The following OTUD7A variants were observed in gnomAD, a reference collection of about 807,000 sequenced individuals.
OTUD7A encodes OTU domain-containing protein 7A.
Under a neutral mutation model 65.7 loss-of-function variants are expected in OTUD7A, and 12 were observed. The observed-to-expected ratio is 0.18, with a 90% CI of 0.12 to 0.30. OTUD7A has a LOEUF of 0.30. OTUD7A is among the 10% of genes least tolerant of loss of function. The pLI, the probability that OTUD7A is intolerant of heterozygous loss-of-function variation, is 1.00. For synonymous variants in OTUD7A, 641 were observed against 586.3 expected (o/e 1.09, Z -1.35); for missense variants, 1,148 against 1,304.8 (o/e 0.88, Z 1.85).
chr15:31,587,356 G>C (rs1022932933), intron 3 of OTUD7A, among the ~76,000 whole-genome samples: 37 of 152,148 alleles, frequency 2.4e-4, no homozygotes, highest in African/African-American at 8.7e-4. Context: ...TGTAAATCTT[G>C]GCCGGGCGCG....
intron 1 of OTUD7A, among the ~76,000 whole-genome samples, chr15:31,822,160 G>A (rs889875946): frequency 3.9e-5 from 6 of 152,106 alleles, no homozygotes; most frequent in Admixed American, 6.5e-5. Context: ...TTTTGGTATC[G>A]TACAGTGGTA....
At chr15:31,662,202 T>C (rs1290294860) in intron 1 of OTUD7A, among the ~76,000 whole-genome samples, 2 of 152,226 alleles carry the variant, frequency 1.3e-5, no homozygotes, top group African/African-American at 4.8e-5. Context: ...ATAATTCTTT[T>C]ATTCATTCTT....
chr15:31,584,120 AGAG>A (rs1889456359), intron 3 of OTUD7A, among the ~76,000 whole-genome samples: 1 of 152,168 alleles, frequency 6.6e-6, no homozygotes, highest in African/African-American at 2.4e-5. Flanking sequence ...ACTTATCTAG[AGAG>A]CAACAGGAAC....
At chr15:31,726,596 A>C (rs1476918610) in intron 1 of OTUD7A, among the ~76,000 whole-genome samples, 2 of 152,240 alleles carry the variant, frequency 1.3e-5, no homozygotes, top group Non-Finnish European at 2.9e-5. Context: ...TTGCAAAGCA[A>C]GAATCAGAAC....
intron 3 of OTUD7A, among the ~76,000 whole-genome samples, chr15:31,596,909 T>C (rs1403716208): frequency 1.3e-5 from 2 of 152,162 alleles, no homozygotes; most frequent in African/African-American, 4.8e-5. Context: ...ATTTCCCAGT[T>C]TGTGGCTTAC....
At chr15:31,553,936 AG>A (rs1405513387) in intron 5 of OTUD7A, among the ~76,000 whole-genome samples, 1 of 152,134 alleles carries the variant, frequency 6.6e-6, no homozygotes, top group Non-Finnish European at 1.5e-5. Flanking sequence ...AAAACCCTCC[AG>A]GGGCTGCTTA....
chr15:31,686,616 C>T (rs558152269), intron 1 of OTUD7A, among the ~76,000 whole-genome samples: 1 of 152,324 alleles, frequency 6.6e-6, no homozygotes, highest in East Asian at 1.9e-4. Context: ...GGCATGTAAA[C>T]AGCTGGTAAG....
intron 5 of OTUD7A, among the ~76,000 whole-genome samples, chr15:31,538,795 TAAAAG>T (rs1037924527): frequency 3.3e-5 from 5 of 152,100 alleles, no homozygotes; most frequent in African/African-American, 7.2e-5. Context: ...CCTTTCAACA[TAAAAG>T]AAAAGAAAAA....
Position 31,484,028 on chromosome 15 carries a change from C to CGGCCGCAGT in OTUD7A, c.2067_2068insACTGCGGCC (p.Ala689_Ala690insThrAlaAla). 1 of 1,239,854 alleles carries CGGCCGCAGT rather than the reference C, an allele frequency of 8.1e-7. No individual in the cohort carries two copies. Among genetic ancestry groups the CGGCCGCAGT allele is most frequent in the Non-Finnish European group, 1.0e-6 (1 of 995,484 alleles). The allele number at this position is 1,239,854 out of a possible 1,614,324, so 76.8% of individuals were successfully genotyped here. ...GCCGTGGCGGCGGCGGCGGCGGCGG[C>CGGCCGCAGT]AGCGGCGGCCGCAGTAGCGGCGTCG... is the stretch of plus-strand genomic sequence containing the variant. On this transcript the variant is annotated inframe_insertion, in exon 13 of 13. Transcript: ENST00000307050. The surrounding 1 kb of genome is among the most constrained non-coding windows in gnomAD (Gnocchi z 4.5).
At chr15:31,496,970 C>T (rs1028283055) in intron 10 of OTUD7A, among the ~76,000 whole-genome samples, 2 of 152,114 alleles carry the variant, frequency 1.3e-5, no homozygotes, top group Admixed American at 1.3e-4. Flanking sequence ...AAGGGATGGC[C>T]AACCTTGGTG....
chr15:31,686,114 C>T (rs1403068345), intron 1 of OTUD7A, among the ~76,000 whole-genome samples: 4 of 152,226 alleles, frequency 2.6e-5, no homozygotes, highest in Non-Finnish European at 5.9e-5. Flanking sequence ...CTGTTGAACC[C>T]ACACTGGGGA....
intron 1 of OTUD7A, among the ~76,000 whole-genome samples, chr15:31,692,931 G>C (rs1226203830): frequency 1.3e-5 from 2 of 150,790 alleles, no homozygotes; most frequent in Non-Finnish European, 2.9e-5. Context: ...CACTTGCACT[G>C]GGACAGACAC....
chr15:31,711,416 T>A (rs1360525530), intron 1 of OTUD7A, among the ~76,000 whole-genome samples: 1 of 151,650 alleles, frequency 6.6e-6, no homozygotes. Flanking sequence ...ACATAAAACA[T>A]GTTTTCCTTC....
At chr15:31,574,424 T>A (rs1889145003) in intron 3 of OTUD7A, among the ~76,000 whole-genome samples, 1 of 152,180 alleles carries the variant, frequency 6.6e-6, no homozygotes, top group Non-Finnish European at 1.5e-5. Flanking sequence ...AGATGAATCA[T>A]TTGCTGTATA....
At chr15:31,643,996 A>C (rs1891592599) in intron 3 of OTUD7A, among the ~76,000 whole-genome samples, 1 of 152,168 alleles carries the variant, frequency 6.6e-6, no homozygotes, top group Admixed American at 6.5e-5. Flanking sequence ...ACAGACAGAA[A>C]GGGGTACCTG....
chr15:31,580,789 C>A (rs1232688142), intron 3 of OTUD7A, among the ~76,000 whole-genome samples: 1 of 152,264 alleles, frequency 6.6e-6, no homozygotes, highest in Admixed American at 6.5e-5. Context: ...CTCTACCTGA[C>A]CCTGCCCTTG....
At chr15:31,604,499 C>CG (rs1156752309) in intron 3 of OTUD7A, among the ~76,000 whole-genome samples, 1 of 152,056 alleles carries the variant, frequency 6.6e-6, no homozygotes, top group African/African-American at 2.4e-5. Flanking sequence ...ATGTAGATGA[C>CG]GGGTTGATGG....
intron 1 of OTUD7A, among the ~76,000 whole-genome samples, chr15:31,695,124 C>T (rs1021196767): frequency 2.6e-5 from 4 of 152,260 alleles, no homozygotes; most frequent in Admixed American, 6.5e-5. Flanking sequence ...GGATTACAGG[C>T]GTGAGCCACC....
At chr15:31,556,018 T>G (rs1888483214) in intron 5 of OTUD7A, 1 of 152,158 alleles carries the variant, frequency 6.6e-6, no homozygotes, top group African/African-American at 2.4e-5. Context: ...ATTTGTTTAT[T>G]ATTTGTAGAG....
Sources: allele counts gnomAD v4.1 joint callset (sites outside exome capture counted in the v4.1 genomes callset), GRCh38; gene constraint gnomAD v4.1.1; non-coding constraint Gnocchi (gnomAD v3.1); transcripts MANE v1.5; gene names NCBI Gene and HGNC (gene_info 2026-07-23, HGNC 2026-07-21).